The following SLC28A1 variants were observed in gnomAD, a reference collection of about 807,000 sequenced individuals.
SLC28A1 encodes sodium/nucleoside cotransporter 1.
SLC28A1 carries 64 observed loss-of-function variants against 74.8 expected under a neutral mutation model. The ratio of observed to expected loss-of-function variants is 0.86; its 90% CI spans 0.70 to 1.05. The LOEUF is 1.05. SLC28A1 is among the 50% of genes least tolerant of loss of function. The pLI is 0.00. For missense variants in SLC28A1, 828 were observed against 822.8 expected (o/e 1.01, Z -0.08); for synonymous variants, 359 against 335.0 (o/e 1.07, Z -0.78).
In SLC28A1 at chr15:84,935,444, G is replaced by T; in HGVS notation, c.1507G>T (p.Asp503Tyr). The T allele has an allele frequency of 6.2e-7, 1 of 1,614,250 alleles. No individual in the cohort carries two copies. Among genetic ancestry groups the T allele is most frequent in the Non-Finnish European group, 8.5e-7 (1 of 1,180,038 alleles). Reference sequence around the variant, plus strand: ...TCTGAACGAGTTTGTGGCCTATCAAGACCTCTCCAAGTACAAGCAACGCCG... The same window carrying T: ...TCTGAACGAGTTTGTGGCCTATCAATACCTCTCCAAGTACAAGCAACGCCG... ...LFLNEFVAYQDLSKYKQRRLA... is the reference protein window; with the variant it reads ...LFLNEFVAYQYLSKYKQRRLA... The change falls in exon 15 of 19, where the codon GAC becomes TAC. Residue 503 changes from aspartate (D) to tyrosine (Y), a missense_variant. Asp to Tyr is a radical substitution (Grantham distance 160, BLOSUM62 -3). Around this residue, in one of 3 missense-constraint regions of SLC28A1, gnomAD observed 767 missense variants for 753.5 expected, o/e 1.02. Transcript: ENST00000394573.
chr15:84,904,093 G>A lies in SLC28A1; in HGVS notation c.462-4G>A. ...GGTAATGGCTTTCTGTCTCTTGCCT[G>A]CAGGGGTCTAGCTCTTGCTGCTTTC... On this transcript the variant is annotated splice_polypyrimidine_tract_variant and splice_region_variant and intron_variant, in intron 6 of 18. Transcript: ENST00000394573. 2 of 1,614,206 alleles carry A rather than the reference G, an allele frequency of 1.2e-6. No homozygotes were observed. Among genetic ancestry groups the A allele is most frequent in the Non-Finnish European group, 1.7e-6 (2 of 1,180,050 alleles).
At chr15:84,970,249 C>T in the SLC28A1 span, among the ~76,000 whole-genome samples, 10 of 152,176 alleles carry the variant, frequency 6.6e-5, no homozygotes, top group Admixed American at 2.6e-4. Context: ...GTATCTTTCT[C>T]GAGTCTCTTT....
intron 9 of SLC28A1, among the ~76,000 whole-genome samples, chr15:84,914,747 C>T (rs1363163161): frequency 6.6e-6 from 1 of 152,172 alleles, no homozygotes; most frequent in Non-Finnish European, 1.5e-5. Flanking sequence ...TGTTCTGCCA[C>T]CTCACATCCT....
chr15:84,899,940 A>AAAGGAAGGAAGGAAGGAAGGAAGAAAGG, intron 6 of SLC28A1, among the ~76,000 whole-genome samples: 1 of 136,924 alleles, frequency 7.3e-6, no homozygotes, highest in East Asian at 2.3e-4. Context: ...AGAAAGAAAG[A>AAAGGAAGGAAGGAAGGAAGGAAGAAAGG]AAGGAAGGAA....
At chr15:84,915,506 T>C (rs1968958871) in intron 9 of SLC28A1, among the ~76,000 whole-genome samples, 1 of 152,228 alleles carries the variant, frequency 6.6e-6, no homozygotes, top group Non-Finnish European at 1.5e-5. Context: ...AGCACAGTGC[T>C]GCTTCTTGCA....
intron 5 of SLC28A1, among the ~76,000 whole-genome samples, chr15:84,894,596 G>A (rs566516886): frequency 3.9e-5 from 6 of 152,296 alleles, no homozygotes; most frequent in African/African-American, 1.4e-4. Flanking sequence ...CTTCCTCCGT[G>A]GGGCCTAGCA....
At chr15:84,885,258 C>A (rs1964454474) in intron 1 of SLC28A1, among the ~76,000 whole-genome samples, 1 of 150,820 alleles carries the variant, frequency 6.6e-6, no homozygotes, top group African/African-American at 2.4e-5. Flanking sequence ...CGTGCCCCCC[C>A]TCTTTTTTTT....
chr15:84,926,576 G>A (rs1353015949), intron 12 of SLC28A1: 1 of 452,994 alleles, frequency 2.2e-6, no homozygotes, highest in South Asian at 1.6e-5. Flanking sequence ...TCTCACAAGT[G>A]TTCAAGAAAT....
In SLC28A1 at chr15:84,888,801, G is replaced by C. The variant is rs1227009523; in HGVS notation, c.126G>C (p.Leu42Phe). ...AAGGCCAGCTCCCTAGGAGTGACTT[G>C]AGCCCCGCAGAGATCAGGAGCAGCT... ...LEEGQLPRSD[L>F]SPAEIRSSWS... Residue 42 changes from leucine (L) to phenylalanine (F), a missense_variant, in exon 4 of 19, where the codon TTG becomes TTC. This residue lies in a region of SLC28A1 where 767 missense variants were observed against 753.5 expected (regional missense o/e 1.02). Transcript: ENST00000394573. 4 of 1,554,462 alleles carry C rather than the reference G, an allele frequency of 2.6e-6. No homozygotes were observed. In the African/African-American group the frequency reaches 5.5e-5, roughly 21 times the overall value.
At chr15:84,890,594 C>A in intron 5 of SLC28A1, 60 bp downstream of exon 5, 1 of 1,345,622 alleles carries the variant, frequency 7.4e-7, no homozygotes, top group South Asian at 1.2e-5. Context: ...CTATCCATGT[C>A]TCAGGGCAGG....
intron 9 of SLC28A1, among the ~76,000 whole-genome samples, chr15:84,912,664 C>G (rs529606881): frequency 7.9e-5 from 12 of 152,298 alleles, no homozygotes; most frequent in African/African-American, 2.6e-4. Context: ...GCACCCACTG[C>G]TAAGCTTAGC....
intron 9 of SLC28A1, among the ~76,000 whole-genome samples, chr15:84,910,269 C>A (rs1967946618): frequency 6.6e-6 from 1 of 152,250 alleles, no homozygotes; most frequent in South Asian, 2.1e-4. Context: ...CCCGCAAAGG[C>A]CCCTAATACC....
chr15:84,966,738 TC>T, the SLC28A1 span, among the ~76,000 whole-genome samples: 3 of 152,124 alleles, frequency 2.0e-5, no homozygotes, highest in Non-Finnish European at 4.4e-5. Context: ...AACCATCAGA[TC>T]GTGTGAGTCT....
intron 6 of SLC28A1, among the ~76,000 whole-genome samples, chr15:84,896,555 C>T (rs920665568): frequency 6.6e-5 from 10 of 151,706 alleles, no homozygotes; most frequent in African/African-American, 1.5e-4. Context: ...GGCTCATGCC[C>T]GTAATCCCAG....
chr15:84,884,673 A>C lies in SLC28A1; in HGVS notation c.-211A>C. 1.0e-6 allele frequency: 1 copy of C among 981,924 alleles called. No individual in the cohort carries two copies. The highest frequency in any genetic ancestry group is 1.2e-6 in the Non-Finnish European group (1 of 826,540). The allele number at this position is 981,924 out of a possible 1,614,324, so 60.8% of individuals were successfully genotyped here. On this transcript the variant is annotated 5_prime_UTR_variant, in exon 1 of 19. Coordinates refer to ENST00000394573, the MANE Select transcript of SLC28A1 (RefSeq NM_004213.5). The stretch of plus-strand genomic sequence containing the variant: ...GAGATTAGGGCCCACAACGATGTGA[A>C]GGTTATAAGCTGCACTGCATGGTTG...
At chr15:84,937,985 A>G (rs1972146117) in intron 15 of SLC28A1, among the ~76,000 whole-genome samples, 1 of 152,178 alleles carries the variant, frequency 6.6e-6, no homozygotes, top group Non-Finnish European at 1.5e-5. Flanking sequence ...GGATCACCTG[A>G]GGTCAGGAGT....
At chr15:84,946,066 A>G (rs1388615463), downstream of SLC28A1, among the ~76,000 whole-genome samples, 87 of 65,912 alleles carry the variant, frequency 1.3e-3, 1 homozygote, top group African/African-American at 5.1e-3. Context: ...ATACATATAT[A>G]TATATGTGTG....
intron 9 of SLC28A1, among the ~76,000 whole-genome samples, chr15:84,916,826 G>A (rs1466357053): frequency 1.3e-5 from 2 of 152,016 alleles, no homozygotes; most frequent in African/African-American, 4.8e-5. Flanking sequence ...TCAGGAGCTC[G>A]AGACCAGCCT....
chr15:84,946,099 TATATATATA>T (rs1299938696), downstream of SLC28A1, among the ~76,000 whole-genome samples: 2 of 21,578 alleles, frequency 9.3e-5, no homozygotes, highest in African/African-American at 1.4e-4. Flanking sequence ...TATATATATA[TATATATATA>T]TATATTTTTT....
Sources: gnomAD v4.1 joint callset for allele counts (sites outside exome capture counted in the v4.1 genomes callset) on GRCh38, gnomAD v4.1.1 for gene constraint, gnomAD v4.1.1 regional missense constraint, MANE v1.5 for transcripts, NCBI Gene and HGNC (gene_info 2026-07-23, HGNC 2026-07-21) for gene names.